KIF16B: variants seen among roughly 807,000 people sequenced by gnomAD.
KIF16B encodes kinesin-like protein KIF16B.
Under a neutral mutation model 156.3 loss-of-function variants are expected in KIF16B, and 98 were observed. The ratio of observed to expected loss-of-function variants is 0.63; its 90% CI spans 0.53 to 0.74. KIF16B has a LOEUF of 0.74. Ranked by LOEUF, KIF16B falls within the 30% of genes least tolerant of loss-of-function variation. The probability of loss-of-function intolerance (pLI) is 0.00; values close to 1 mark genes in which losing one functional copy is unlikely to be tolerated. For synonymous variants in KIF16B, 564 were observed against 583.7 expected, an observed-to-expected ratio of 0.97 and a Z score of 0.49; for missense variants, 1,421 against 1,606.5, an observed-to-expected ratio of 0.88 and a Z score of 1.97.
intron 17 of KIF16B, among the ~76,000 whole-genome samples, chr20:16,392,816 A>C (rs78424128): frequency 0.023 from 3,509 of 152,240 alleles, 133 homozygotes; most frequent in African/African-American, 0.08. Context: ...TTCCTCCCCA[A>C]GTTGCTTTAA....
chr20:16,444,223 G>C (rs2066874054), intron 12 of KIF16B, among the ~76,000 whole-genome samples: 1 of 152,218 alleles, frequency 6.6e-6, no homozygotes, highest in African/African-American at 2.4e-5. Flanking sequence ...CTTCTACAGT[G>C]AAATAATATC....
chr20:16,351,054 C>T (rs1342950235), intron 23 of KIF16B, among the ~76,000 whole-genome samples: 1 of 151,892 alleles, frequency 6.6e-6, no homozygotes, highest in African/African-American at 2.4e-5. Context: ...CCCCTGGTGA[C>T]AGGATGGAGA....
intron 25 of KIF16B, among the ~76,000 whole-genome samples, chr20:16,280,018 C>G (rs377074909): frequency 6.6e-6 from 1 of 152,154 alleles, no homozygotes; most frequent in East Asian, 1.9e-4. Flanking sequence ...CATGCTATTC[C>G]ATTTAGACAT....
At chr20:16,544,051 A>T (rs1297222014) in intron 1 of KIF16B, among the ~76,000 whole-genome samples, 1 of 152,232 alleles carries the variant, frequency 6.6e-6, no homozygotes, top group East Asian at 1.9e-4. Context: ...CAGTATATTT[A>T]GAGAATCCAC....
chr20:16,364,009 C>T (rs528835251), intron 22 of KIF16B, among the ~76,000 whole-genome samples: 1 of 152,232 alleles, frequency 6.6e-6, no homozygotes, highest in South Asian at 2.1e-4. Flanking sequence ...GGTTGATCAT[C>T]AAAGGAGCAT....
At chr20:16,376,500 C>T (rs891098071) in intron 19 of KIF16B, among the ~76,000 whole-genome samples, 5 of 152,174 alleles carry the variant, frequency 3.3e-5, no homozygotes, top group African/African-American at 9.7e-5. Flanking sequence ...CCGTGAGAAC[C>T]CTGGGAGAAA....
chr20:16,385,504 A>G (rs1051372067), intron 17 of KIF16B, among the ~76,000 whole-genome samples: 3 of 152,210 alleles, frequency 2.0e-5, no homozygotes, highest in African/African-American at 7.2e-5. Flanking sequence ...GAGACCATGA[A>G]CAAGTTATTT....
intron 12 of KIF16B, among the ~76,000 whole-genome samples, chr20:16,448,711 A>G (rs2066999576): frequency 6.6e-6 from 1 of 152,266 alleles, no homozygotes; most frequent in South Asian, 2.1e-4. Flanking sequence ...GCCCACGACA[A>G]GAGCCAACAA....
At chr20:16,519,087 A>T (rs986289645) in intron 3 of KIF16B, among the ~76,000 whole-genome samples, 4 of 152,250 alleles carry the variant, frequency 2.6e-5, no homozygotes, top group Admixed American at 2.6e-4. Flanking sequence ...ACAAAGAAAA[A>T]TAGAGTTAAA....
intron 25 of KIF16B, among the ~76,000 whole-genome samples, chr20:16,283,498 G>A (rs1002847491): frequency 1.3e-5 from 2 of 152,070 alleles, no homozygotes; most frequent in African/African-American, 2.4e-5. Flanking sequence ...GGGGAGCAGC[G>A]AGCCGTGGCT....
At chr20:16,546,087 A>G (rs2070395107) in intron 1 of KIF16B, among the ~76,000 whole-genome samples, 1 of 152,198 alleles carries the variant, frequency 6.6e-6, no homozygotes. Flanking sequence ...GTTTCTTGTC[A>G]CTTTTTCACC....
At chr20:16,531,582 A>T (rs1368924698) in intron 1 of KIF16B, among the ~76,000 whole-genome samples, 2 of 152,142 alleles carry the variant, frequency 1.3e-5, no homozygotes, top group Non-Finnish European at 2.9e-5. Flanking sequence ...GCTGCCCTAT[A>T]GGGAACCAGC....
At chr20:16,366,782 C>T in intron 22 of KIF16B, 1 of 1,000,534 alleles carries the variant, frequency 1.0e-6, no homozygotes, top group Non-Finnish European at 1.2e-6. Context: ...GATTAGCCTG[C>T]TGGAATCCAG....
intron 17 of KIF16B, among the ~76,000 whole-genome samples, chr20:16,396,067 G>C (rs1358137806): frequency 2.6e-5 from 4 of 152,116 alleles, no homozygotes; most frequent in African/African-American, 9.7e-5. Context: ...AATAACTTGT[G>C]ATAGTTAAAA....
At chr20:16,504,640 C>T in intron 9 of KIF16B, 93 bp from the exon 10 acceptor site, 1 of 1,041,230 alleles carries the variant, frequency 9.6e-7, no homozygotes, top group Non-Finnish European at 1.5e-6. Flanking sequence ...AGATTAACCC[C>T]AGGTCATTGG....
chr20:16,339,518 C>T (rs570884217), intron 23 of KIF16B, among the ~76,000 whole-genome samples: 2 of 152,232 alleles, frequency 1.3e-5, no homozygotes, highest in South Asian at 4.1e-4. Flanking sequence ...GATGCCTGTA[C>T]CTCTCTCCTG....
intron 25 of KIF16B, among the ~76,000 whole-genome samples, chr20:16,295,148 A>G (rs563043762): frequency 6.6e-6 from 1 of 152,316 alleles, no homozygotes; most frequent in East Asian, 1.9e-4. Flanking sequence ...AAGATTCCAA[A>G]GCATCTAGAG....
intron 15 of KIF16B, among the ~76,000 whole-genome samples, chr20:16,417,487 A>C (rs985959621): frequency 6.6e-6 from 1 of 152,134 alleles, no homozygotes; most frequent in Admixed American, 6.6e-5. Flanking sequence ...TTTAAACAAG[A>C]CCCAGGATCT....
At chr20:16,475,404 A>C (rs1455029338) in intron 12 of KIF16B, among the ~76,000 whole-genome samples, 1 of 152,224 alleles carries the variant, frequency 6.6e-6, no homozygotes, top group African/African-American at 2.4e-5. Context: ...ATTACATAGA[A>C]TTTGGTTCCA....
Sources: gnomAD v4.1 joint callset for allele counts (sites outside exome capture counted in the v4.1 genomes callset) on GRCh38, gnomAD v4.1.1 for gene constraint, MANE v1.5 for transcripts, NCBI Gene and HGNC (gene_info 2026-07-23, HGNC 2026-07-21) for gene names.